The following HDAC4 variants were observed in gnomAD, a reference collection of about 807,000 sequenced individuals.
HDAC4 encodes histone deacetylase A.
In HDAC4, 16 loss-of-function variants were observed where a neutral mutation model predicts 135.1. That is an observed-to-expected ratio of 0.12 (90% CI 0.08 to 0.18). The LOEUF (loss-of-function observed/expected upper bound fraction) is 0.18. Ranked by LOEUF, HDAC4 falls within the 10% of genes least tolerant of loss-of-function variation. HDAC4 has a pLI of 1.00. For missense variants in HDAC4, 1,143 were observed against 1,511.8 expected, an observed-to-expected ratio of 0.76 and a Z score of 4.05; for synonymous variants, 685 against 653.4, an observed-to-expected ratio of 1.05 and a Z score of -0.74.
At chr2:239,295,033 C>T (rs1375068215) in intron 2 of HDAC4, among the ~76,000 whole-genome samples, 4 of 152,184 alleles carry the variant, frequency 2.6e-5, no homozygotes, top group South Asian at 2.1e-4. Flanking sequence ...ATAGGCCGGG[C>T]GCGGTGGCTC....
intron 2 of HDAC4, among the ~76,000 whole-genome samples, chr2:239,274,917 A>G (rs1360376625): frequency 6.6e-6 from 1 of 152,202 alleles, no homozygotes; most frequent in Non-Finnish European, 1.5e-5. Flanking sequence ...GCATGGTGAC[A>G]TCTCTTTTTA....
At chr2:239,267,528 C>T (rs1467260614) in intron 2 of HDAC4, among the ~76,000 whole-genome samples, 1 of 152,272 alleles carries the variant, frequency 6.6e-6, no homozygotes, top group African/African-American at 2.4e-5. Flanking sequence ...CCCGGAAGGG[C>T]TTGGCACAGC....
intron 12 of HDAC4, among the ~76,000 whole-genome samples, chr2:239,124,051 C>T (rs992545826): frequency 2.0e-5 from 3 of 152,116 alleles, no homozygotes; most frequent in Non-Finnish European, 2.9e-5. Context: ...AGACAATAAA[C>T]GGAGAAATGA....
At chr2:239,300,067 G>A (rs957353942) in intron 2 of HDAC4, among the ~76,000 whole-genome samples, 2 of 152,140 alleles carry the variant, frequency 1.3e-5, no homozygotes, top group Admixed American at 6.5e-5. Context: ...CCTCTAGGGC[G>A]TCCCTCTCTC....
chr2:239,086,896 T>C (rs1204261869), intron 19 of HDAC4, among the ~76,000 whole-genome samples: 1 of 152,196 alleles, frequency 6.6e-6, no homozygotes, highest in Non-Finnish European at 1.5e-5. Context: ...CTAGAGCGGC[T>C]ACCGTCCCAG....
chr2:239,392,579 C>T (rs1371272431), intron 1 of HDAC4, among the ~76,000 whole-genome samples: 1 of 152,194 alleles, frequency 6.6e-6, no homozygotes, highest in African/African-American at 2.4e-5. Flanking sequence ...AAGATACACC[C>T]CGCTTGTGTG....
intron 2 of HDAC4, among the ~76,000 whole-genome samples, chr2:239,332,182 C>T (rs1048978490): frequency 1.3e-5 from 2 of 152,182 alleles, no homozygotes; most frequent in Non-Finnish European, 2.9e-5. Flanking sequence ...TCCATTCCCA[C>T]TATCTGACAG....
rs531851968 is a variant in HDAC4 at position 239,333,614 on chromosome 2, C to A, written c.22+19064G>T. Among the ~76,000 whole-genome samples, 9 of 151,962 alleles carry A rather than the reference C, an allele frequency of 5.9e-5. No individual in the cohort carries two copies. The South Asian group carries it at 1.9e-3, about 32-fold the overall frequency. Reference sequence around the variant, plus strand: ...TAACATTCAAGTCAATCAGAAAATTCAACACAATAAAATAAAGAAAAAAAG... The same window carrying A: ...TAACATTCAAGTCAATCAGAAAATTAAACACAATAAAATAAAGAAAAAAAG... On this transcript the variant is annotated intron_variant, in intron 2 of 26. Coordinates refer to ENST00000543185, the MANE Select transcript of HDAC4 (RefSeq NM_001378414.1).
chr2:239,297,200 G>A (rs2051956770), intron 2 of HDAC4, among the ~76,000 whole-genome samples: 1 of 152,130 alleles, frequency 6.6e-6, no homozygotes, highest in Non-Finnish European at 1.5e-5. Context: ...AATCACAAAG[G>A]TGCCTGAGCC....
chr2:239,332,329 T>C (rs899322353), intron 2 of HDAC4, among the ~76,000 whole-genome samples: 4 of 152,162 alleles, frequency 2.6e-5, no homozygotes, highest in Admixed American at 6.5e-5. Context: ...TTGACAAAAC[T>C]GACCATATAA....
At chr2:239,273,692 C>A (rs2050187133) in intron 2 of HDAC4, among the ~76,000 whole-genome samples, 1 of 152,208 alleles carries the variant, frequency 6.6e-6, no homozygotes, top group African/African-American at 2.4e-5. Flanking sequence ...GGAGGAGGAA[C>A]TTGCTCAACA....
chr2:239,300,892 G>T (rs1323091127), intron 2 of HDAC4, among the ~76,000 whole-genome samples: 3 of 152,268 alleles, frequency 2.0e-5, no homozygotes, highest in Non-Finnish European at 4.4e-5. Flanking sequence ...GCAGTGCCAG[G>T]AAGGGCTGCA....
chr2:239,161,772 G>A (rs1206544573), intron 6 of HDAC4: 2 of 425,764 alleles, frequency 4.7e-6, no homozygotes, highest in Admixed American at 2.6e-5. Flanking sequence ...CACCCAGGGA[G>A]TTCCAGGAAA....
chr2:239,164,327 G>A (rs1261256829), intron 5 of HDAC4, among the ~76,000 whole-genome samples: 1 of 152,198 alleles, frequency 6.6e-6, no homozygotes, highest in Non-Finnish European at 1.5e-5. Flanking sequence ...GATGCATCAC[G>A]CAGGGACAAA....
At chr2:239,367,699 T>G (rs2125992007) in intron 1 of HDAC4, among the ~76,000 whole-genome samples, 1 of 152,220 alleles carries the variant, frequency 6.6e-6, no homozygotes. Context: ...AAAAATAAAT[T>G]TCATGTTTAG....
Position 239,163,846 on chromosome 2 carries a change from T to G in HDAC4, c.568A>C (p.Asn190His). 6.2e-7 allele frequency: 1 copy of G among 1,614,170 alleles called. No homozygotes were observed. Among genetic ancestry groups the G allele is most frequent in the South Asian group, 1.1e-5 (1 of 91,078 alleles). ...LNKKKALAHR[N>H]LNHCISSDPR... ...TCGCTGGAAATGCAGTGGTTCAGAT[T>G]CCGGTGGGCCAGCGCCTTCTTTTTA... Residue 190 changes from asparagine to histidine, a missense_variant, in exon 6 of 27, where the codon AAT becomes CAT. This residue lies in a region of HDAC4 where 247 missense variants were observed against 310.0 expected (regional missense o/e 0.80). Coordinates refer to ENST00000543185, the MANE Select transcript of HDAC4 (RefSeq NM_001378414.1).
At position 239,370,307 on chromosome 2, in the gene HDAC4, C is replaced by T. The variant is rs181049385; in HGVS notation, c.-219-17389G>A. ...CAGCTCTGAAATGTTCCAACTCCCT[C>T]GATCCCACTGAAAGACATGGCTCGG... On this transcript the variant is annotated intron_variant, in intron 1 of 26. Transcript: ENST00000543185. Among the ~76,000 whole-genome samples, 289 of 152,314 alleles carry T rather than the reference C, an allele frequency of 1.9e-3. 2 individuals carry two copies. Among genetic ancestry groups the T allele is most frequent in the African/African-American group, 6.3e-3 (262 of 41,568 alleles).
At chr2:239,386,075 GC>G (rs1351465224) in intron 1 of HDAC4, among the ~76,000 whole-genome samples, 1 of 152,140 alleles carries the variant, frequency 6.6e-6, no homozygotes, top group African/African-American at 2.4e-5. Context: ...AGGCAGAGGG[GC>G]CTGCGTTTTA....
At chr2:239,348,135 T>A (rs1252495109) in intron 2 of HDAC4, among the ~76,000 whole-genome samples, 1 of 148,764 alleles carries the variant, frequency 6.7e-6, no homozygotes, top group African/African-American at 2.5e-5. Context: ...CACAGACACG[T>A]CCCAGCAAAT....
Sources: gnomAD v4.1 joint callset for allele counts (sites outside exome capture counted in the v4.1 genomes callset) on GRCh38, gnomAD v4.1.1 for gene constraint, gnomAD v4.1.1 regional missense constraint, MANE v1.5 for transcripts, NCBI Gene and HGNC (gene_info 2026-07-23, HGNC 2026-07-21) for gene names.